Variants in MAF observed in about 807,000 individuals in gnomAD.
MAF encodes the protein MAF bZIP transcription factor, also known as transcription factor Maf.
A neutral mutation model predicts 22.0 loss-of-function variants in MAF; 10 were observed. The observed-to-expected ratio is 0.45, with a 90% CI of 0.28 to 0.77. The LOEUF (loss-of-function observed/expected upper bound fraction) is 0.77. Ranked by LOEUF, MAF falls within the 30% of genes least tolerant of loss-of-function variation. The probability of loss-of-function intolerance (pLI) is 0.12; values close to 1 mark genes in which losing one functional copy is unlikely to be tolerated. For missense variants in MAF, 544 were observed against 548.4 expected, an observed-to-expected ratio of 0.99 and a Z score of 0.08; for synonymous variants, 337 against 255.8, an observed-to-expected ratio of 1.32 and a Z score of -3.03.
At chr16:79,593,833 G>A (rs1913331186), downstream of MAF, 1 of 180,680 alleles carries the variant, frequency 5.5e-6, no homozygotes, top group Non-Finnish European at 1.2e-5. Context: ...ATCACACAGA[G>A]GGTGTGTATT....
the MAF span, among the ~76,000 whole-genome samples, chr16:79,308,688 C>T: frequency 6.6e-6 from 1 of 152,130 alleles, no homozygotes; most frequent in Non-Finnish European, 1.5e-5. Context: ...ACAAGCATAT[C>T]CTTTAATCCC....
the MAF span, among the ~76,000 whole-genome samples, chr16:79,488,770 GCTTTCTTACCT>G: frequency 1.3e-5 from 2 of 152,156 alleles, no homozygotes; most frequent in African/African-American, 4.8e-5. Context: ...GCACAAAGCA[GCTTTCTTACCT>G]CTCGTTCATC....
chr16:79,457,439 G>A, the MAF span, among the ~76,000 whole-genome samples: 1 of 146,188 alleles, frequency 6.8e-6, no homozygotes, highest in Non-Finnish European at 1.5e-5. Flanking sequence ...GTTACTACAA[G>A]GAATGAAACG....
chr16:79,551,456 C>G, the MAF span, among the ~76,000 whole-genome samples: 2 of 152,200 alleles, frequency 1.3e-5, no homozygotes, highest in African/African-American at 4.8e-5. Context: ...GAGTCCCACT[C>G]TCTCCTTTTT....
the MAF span, among the ~76,000 whole-genome samples, chr16:79,291,180 C>G: frequency 2.0e-5 from 3 of 152,160 alleles, no homozygotes; most frequent in Non-Finnish European, 4.4e-5. Context: ...CTGCTTCAAG[C>G]TCTCTTCCCT....
chr16:79,520,268 T>C, the MAF span, among the ~76,000 whole-genome samples: 1 of 152,136 alleles, frequency 6.6e-6, no homozygotes, highest in Non-Finnish European at 1.5e-5. Flanking sequence ...CCTTCTATCC[T>C]TCCATGAAGT....
At chr16:79,549,188 C>G in the MAF span, among the ~76,000 whole-genome samples, 6 of 152,160 alleles carry the variant, frequency 3.9e-5, no homozygotes, top group African/African-American at 1.2e-4. Context: ...ACAGGAACAA[C>G]TGCAAGAGTG....
At chr16:79,308,579 A>T in the MAF span, among the ~76,000 whole-genome samples, 2 of 152,236 alleles carry the variant, frequency 1.3e-5, no homozygotes, top group African/African-American at 4.8e-5. Context: ...TATTCTGTGT[A>T]GGAATTTTCT....
At chr16:79,280,479 A>T in the MAF span, among the ~76,000 whole-genome samples, 1 of 152,262 alleles carries the variant, frequency 6.6e-6, no homozygotes, top group Admixed American at 6.5e-5. Flanking sequence ...GGGATTCTGC[A>T]ACAAAACCTG....
At chr16:79,485,544 C>A in the MAF span, among the ~76,000 whole-genome samples, 1 of 152,190 alleles carries the variant, frequency 6.6e-6, no homozygotes, top group African/African-American at 2.4e-5. Flanking sequence ...TACAACTGTA[C>A]ATGAAGTACA....
chr16:79,443,656 G>T, the MAF span, among the ~76,000 whole-genome samples: 1 of 152,244 alleles, frequency 6.6e-6, no homozygotes. Flanking sequence ...AGAGATTGGT[G>T]TGGGCCCCGT....
chr16:79,281,282 G>A, the MAF span, among the ~76,000 whole-genome samples: 2 of 150,056 alleles, frequency 1.3e-5, no homozygotes, highest in Non-Finnish European at 3.0e-5. Flanking sequence ...AAATGCTCCA[G>A]CTAATCCCAA....
At chr16:79,364,640 G>C in the MAF span, among the ~76,000 whole-genome samples, 1 of 152,162 alleles carries the variant, frequency 6.6e-6, no homozygotes, top group African/African-American at 2.4e-5. Flanking sequence ...CAATTGAACA[G>C]TTTCGTGGTG....
the MAF span, among the ~76,000 whole-genome samples, chr16:79,529,437 T>C: frequency 6.6e-6 from 1 of 152,184 alleles, no homozygotes; most frequent in East Asian, 1.9e-4. Context: ...GTGAAGCATA[T>C]TCTGAAATCT....
the MAF span, among the ~76,000 whole-genome samples, chr16:79,343,808 G>C: frequency 2.6e-5 from 4 of 152,104 alleles, no homozygotes; most frequent in Non-Finnish European, 4.4e-5. Context: ...TTTCTAAATG[G>C]TTTATTGACT....
At chr16:79,302,063 G>GC in the MAF span, among the ~76,000 whole-genome samples, 30 of 152,322 alleles carry the variant, frequency 2.0e-4, no homozygotes, top group South Asian at 1.5e-3. Flanking sequence ...CGGAGGGCCT[G>GC]ACTCTCACCT....
chr16:79,491,134 T>G, the MAF span, among the ~76,000 whole-genome samples: 34 of 152,224 alleles, frequency 2.2e-4, no homozygotes, highest in East Asian at 4.6e-3. Context: ...ATGGGGTTAT[T>G]GAGACCCAGC....
At chr16:79,548,911 AAAG>A in the MAF span, among the ~76,000 whole-genome samples, 1 of 152,180 alleles carries the variant, frequency 6.6e-6, no homozygotes. Flanking sequence ...ACAAAAAATA[AAAG>A]AAGGATATTC....
chr16:79,595,326 C>G, intron 1 of MAF: 1 of 1,050,662 alleles, frequency 9.5e-7, no homozygotes, highest in Non-Finnish European at 1.1e-6. Context: ...GCAGGAAGGC[C>G]AGATGATAAA....
Sources: gnomAD v4.1 joint callset for allele counts (sites outside exome capture counted in the v4.1 genomes callset) on GRCh38, gnomAD v4.1.1 for gene constraint, MANE v1.5 for transcripts, NCBI Gene and HGNC (gene_info 2026-07-23, HGNC 2026-07-21) for gene names.